TENM2: variants seen among roughly 807,000 people sequenced by gnomAD.
The protein encoded by TENM2 is teneurin transmembrane protein 2.
TENM2 carries 52 observed loss-of-function variants against 245.2 expected under a neutral mutation model. That is an observed-to-expected ratio of 0.21 (90% CI 0.17 to 0.27). TENM2 has a LOEUF of 0.27. TENM2 is among the 10% of genes least tolerant of loss of function. TENM2 has a pLI of 1.00. For synonymous variants in TENM2, 1,363 were observed against 1,438.9 expected (o/e 0.95, Z 1.19); for missense variants, 3,046 against 3,666.8 (o/e 0.83, Z 4.37).
chr5:168,080,764 A>G (rs1337624565), intron 7 of TENM2, among the ~76,000 whole-genome samples: 3 of 152,046 alleles, frequency 2.0e-5, no homozygotes, highest in Non-Finnish European at 4.4e-5. Flanking sequence ...TTAATCCTGA[A>G]TTCTAGTTTG....
intron 2 of TENM2, among the ~76,000 whole-genome samples, chr5:167,666,288 A>G (rs1321296861): frequency 6.6e-6 from 1 of 152,180 alleles, no homozygotes; most frequent in Admixed American, 6.5e-5. Flanking sequence ...AGCATTTAGG[A>G]TGTTCTAACT....
At chr5:168,139,196 G>T (rs916205267) in intron 12 of TENM2, among the ~76,000 whole-genome samples, 1 of 152,184 alleles carries the variant, frequency 6.6e-6, no homozygotes, top group South Asian at 2.1e-4. Context: ...ACACACAAAT[G>T]ACTCCCTCAT....
At chr5:167,749,165 C>G (rs1024972406) in intron 2 of TENM2, among the ~76,000 whole-genome samples, 1 of 151,660 alleles carries the variant, frequency 6.6e-6, no homozygotes, top group Non-Finnish European at 1.5e-5. Flanking sequence ...CGAGGAAAAA[C>G]AAAAACAACA....
intron 2 of TENM2, among the ~76,000 whole-genome samples, chr5:167,813,115 T>C (rs1319299295): frequency 6.6e-6 from 1 of 152,168 alleles, no homozygotes; most frequent in African/African-American, 2.4e-5. Context: ...TACCCGACTT[T>C]CCTGGCCACC....
the TENM2 span, among the ~76,000 whole-genome samples, chr5:166,996,956 A>G: frequency 6.6e-6 from 1 of 152,084 alleles, no homozygotes; most frequent in African/African-American, 2.4e-5. Flanking sequence ...TTCCTCACTG[A>G]TTTGTTTTAT....
intron 28 of TENM2, 44 bp from the exon 31 acceptor site, chr5:168,262,004 GC>G (rs1486866967): frequency 6.3e-7 from 1 of 1,582,558 alleles, no homozygotes; most frequent in Non-Finnish European, 8.6e-7. Context: ...TGAGAGAGCT[GC>G]CCAGCTCATC....
At chr5:167,037,131 C>A in the TENM2 span, among the ~76,000 whole-genome samples, 95,858 of 152,122 alleles carry the variant, frequency 0.63, 32,257 homozygotes, top group African/African-American at 0.88. Context: ...GTTTCTATTA[C>A]AAGAAGATTG....
chr5:168,066,892 G>A (rs1472347114), intron 7 of TENM2, among the ~76,000 whole-genome samples: 1 of 152,172 alleles, frequency 6.6e-6, no homozygotes, highest in Non-Finnish European at 1.5e-5. Flanking sequence ...ACAGTGCTAG[G>A]TGTCAAAGGA....
At chr5:167,520,276 G>A (rs1040154906) in intron 2 of TENM2, among the ~76,000 whole-genome samples, 8 of 152,150 alleles carry the variant, frequency 5.3e-5, no homozygotes, top group Admixed American at 3.3e-4. Context: ...AATGTAGATG[G>A]CTGTATAACA....
chr5:167,648,664 C>A (rs1780131186), intron 2 of TENM2, among the ~76,000 whole-genome samples: 1 of 152,200 alleles, frequency 6.6e-6, no homozygotes, highest in South Asian at 2.1e-4. Context: ...GGATGGATGT[C>A]TGTCTGAGAA....
At chr5:168,082,329 G>T (rs1039077464) in intron 7 of TENM2, among the ~76,000 whole-genome samples, 1 of 152,086 alleles carries the variant, frequency 6.6e-6, no homozygotes, top group Non-Finnish European at 1.5e-5. Flanking sequence ...TTAGCCATTC[G>T]TCTAATCTTT....
At chr5:167,599,758 A>T (rs961854456) in intron 2 of TENM2, among the ~76,000 whole-genome samples, 6 of 152,004 alleles carry the variant, frequency 3.9e-5, no homozygotes, top group African/African-American at 1.4e-4. Context: ...TTTTTAGAAA[A>T]TTGTTCACTG....
At chr5:167,079,992 T>A in the TENM2 span, among the ~76,000 whole-genome samples, 5 of 152,184 alleles carry the variant, frequency 3.3e-5, no homozygotes, top group Non-Finnish European at 7.3e-5. Flanking sequence ...ATGAACATAG[T>A]TATATGTGGA....
At chr5:167,586,132 A>T (rs1375437842) in intron 2 of TENM2, among the ~76,000 whole-genome samples, 1 of 151,084 alleles carries the variant, frequency 6.6e-6, no homozygotes, top group Non-Finnish European at 1.5e-5. Flanking sequence ...AAAACAAAAA[A>T]ATACAAAGTA....
At chr5:167,909,680 G>A (rs1776397697) in intron 3 of TENM2, among the ~76,000 whole-genome samples, 1 of 152,150 alleles carries the variant, frequency 6.6e-6, no homozygotes, top group Non-Finnish European at 1.5e-5. Context: ...CAAAGAGTTA[G>A]GATTTGAACC....
At chr5:167,064,117 GAGA>G in the TENM2 span, among the ~76,000 whole-genome samples, 5 of 152,170 alleles carry the variant, frequency 3.3e-5, no homozygotes, top group African/African-American at 9.6e-5. Flanking sequence ...ATATTGAGGG[GAGA>G]AGAAGTTTCC....
In TENM2 at chr5:167,615,777, T is replaced by A. The variant is rs545091563; in HGVS notation, c.502+240304T>A. Among the ~76,000 whole-genome samples the A allele has an allele frequency of 1.2e-4, 19 of 152,120 alleles. No individual in the cohort carries two copies. In the South Asian group the frequency reaches 3.9e-3, roughly 32 times the overall value. On this transcript the variant is annotated intron_variant, in intron 2 of 28. Transcript: ENST00000518659. Reference sequence around the variant, plus strand: ...AAAAAGAAAGGCAAGCAATCACCAATTAGTTTGAATGTTAATATTCCTTTT... The same window carrying A: ...AAAAAGAAAGGCAAGCAATCACCAAATAGTTTGAATGTTAATATTCCTTTT...
intron 2 of TENM2, among the ~76,000 whole-genome samples, chr5:167,559,961 C>T (rs1190799276): frequency 4.6e-5 from 7 of 152,268 alleles, no homozygotes; most frequent in South Asian, 4.2e-4. Context: ...GTGGCTCTCA[C>T]GACCAAGGCA....
intron 2 of TENM2, among the ~76,000 whole-genome samples, chr5:167,582,196 CTT>C (rs1259300899): frequency 6.6e-6 from 1 of 152,168 alleles, no homozygotes; most frequent in Non-Finnish European, 1.5e-5. Context: ...GATTTTCACT[CTT>C]CTCTGAGTTC....
Sources: allele counts gnomAD v4.1 joint callset (sites outside exome capture counted in the v4.1 genomes callset), GRCh38; gene constraint gnomAD v4.1.1; transcripts MANE v1.5; gene names NCBI Gene and HGNC (gene_info 2026-07-23, HGNC 2026-07-21).